The following IQCH variants were observed in gnomAD, a reference collection of about 807,000 sequenced individuals.
The protein encoded by IQCH is IQ motif containing H.
In IQCH, 98 loss-of-function variants were observed where a neutral mutation model predicts 117.0. That is an observed-to-expected ratio of 0.84 (90% confidence interval 0.71 to 0.99). The LOEUF (loss-of-function observed/expected upper bound fraction) is 0.99, where lower values mean the gene tolerates loss of function less well. Among genes scored for constraint, IQCH ranks in the 50% least tolerant of loss-of-function variants. IQCH has a pLI of 0.00. For missense variants in IQCH, 1,102 were observed against 1,243.8 expected (o/e 0.89, Z 1.72); for synonymous variants, 412 against 448.2 (o/e 0.92, Z 1.02).
At chr15:67,283,349 A>G (rs535531607) in intron 4 of IQCH, among the ~76,000 whole-genome samples, 1 of 152,196 alleles carries the variant, frequency 6.6e-6, no homozygotes. Context: ...TGTGTTGGTT[A>G]TGAATTTTTT....
chr15:67,287,535 A>G (rs1302081597), intron 4 of IQCH, among the ~76,000 whole-genome samples: 1 of 151,412 alleles, frequency 6.6e-6, no homozygotes, highest in Non-Finnish European at 1.5e-5. Flanking sequence ...CATTTCTTCT[A>G]GATTTTCCAA....
chr15:67,305,499 T>C (rs1183397875), intron 4 of IQCH, among the ~76,000 whole-genome samples: 2 of 152,124 alleles, frequency 1.3e-5, no homozygotes, highest in Non-Finnish European at 2.9e-5. Flanking sequence ...TTATTTAAAA[T>C]GTCACTGTGA....
intron 3 of IQCH, among the ~76,000 whole-genome samples, chr15:67,270,822 A>G (rs1302002093): frequency 6.6e-6 from 1 of 152,234 alleles, no homozygotes; most frequent in Non-Finnish European, 1.5e-5. Context: ...ATTCCTTTAT[A>G]GCAACACAAA....
In IQCH at chr15:67,490,579, TG is replaced by T. The variant is rs1301601968; in HGVS notation, c.2861+518del. ...TAATTGATTAATTACCTAAAATTAATGGGTAAGATTTAGATTTAACAACATA... is the reference window on the plus strand; with the variant it reads ...TAATTGATTAATTACCTAAAATTAATGGTAAGATTTAGATTTAACAACATA... On this transcript the variant is annotated intron_variant, in intron 19 of 20. Transcript: ENST00000335894. This position sits in a 1 kb window ranked among gnomAD's most constrained non-coding sequence, Gnocchi z 4.9. 6.6e-6 allele frequency among the ~76,000 whole-genome samples: 1 copy of T among 152,202 alleles called. No individual in the cohort carries two copies. Among genetic ancestry groups the T allele is most frequent in the African/African-American group, 2.4e-5 (1 of 41,442 alleles).
intron 18 of IQCH, among the ~76,000 whole-genome samples, chr15:67,477,527 C>A (rs1188142050): frequency 6.6e-6 from 1 of 152,142 alleles, no homozygotes; most frequent in East Asian, 1.9e-4. Flanking sequence ...CTTGGATCCC[C>A]TTGCAAATTA....
At chr15:67,423,728 CCTAT>C (rs1446091395) in intron 16 of IQCH, among the ~76,000 whole-genome samples, 1 of 151,336 alleles carries the variant, frequency 6.6e-6, no homozygotes, top group African/African-American at 2.4e-5. Flanking sequence ...ATGGTGGATG[CCTAT>C]AATCCCAGCT....
intron 3 of IQCH, among the ~76,000 whole-genome samples, chr15:67,275,499 G>A (rs991494444): frequency 2.0e-5 from 3 of 152,090 alleles, no homozygotes; most frequent in Non-Finnish European, 2.9e-5. Context: ...CATGAAGCCA[G>A]CTTGCTTCTA....
chr15:67,363,330 A>C (rs1252936139), intron 8 of IQCH, among the ~76,000 whole-genome samples: 1 of 148,064 alleles, frequency 6.8e-6, no homozygotes, highest in Non-Finnish European at 1.5e-5. Context: ...CTGCCTCCCT[A>C]GTTCAAGCGA....
At chr15:67,292,261 C>A (rs1226370372) in intron 4 of IQCH, among the ~76,000 whole-genome samples, 17 of 152,022 alleles carry the variant, frequency 1.1e-4, no homozygotes. Context: ...CATCCAGACT[C>A]TTTTTTTGAG....
At chr15:67,329,599 C>G (rs1276010782) in intron 4 of IQCH, among the ~76,000 whole-genome samples, 1 of 151,984 alleles carries the variant, frequency 6.6e-6, no homozygotes, top group Non-Finnish European at 1.5e-5. Flanking sequence ...ACTCAGCCTC[C>G]CAAGTAGCTG....
Position 67,425,315 on chromosome 15 carries a change from TA to T in IQCH, c.2505+3743del, listed in dbSNP as rs1164166815. Among the ~76,000 whole-genome samples the T allele has an allele frequency of 6.6e-6, 1 of 152,190 alleles. No homozygotes were observed. The highest frequency in any genetic ancestry group is 2.4e-5 in the African/African-American group (1 of 41,470). On this transcript the variant is annotated intron_variant, in intron 16 of 20. Coordinates refer to ENST00000335894, the MANE Select transcript of IQCH (RefSeq NM_001031715.3). The surrounding 1 kb of genome is among the most constrained non-coding windows in gnomAD (Gnocchi z 5.5). ...TATTTTTGGCCATGTTTCTCCACCA[TA>T]AAAATTACTATTTCTGGCCAGGTGC...
chr15:67,360,238 T>G (rs2140747963), intron 8 of IQCH: 1 of 283,490 alleles, frequency 3.5e-6, no homozygotes, highest in East Asian at 8.9e-5. Context: ...ATGTGAAAAA[T>G]AAATGCGGTT....
At chr15:67,274,858 C>T (rs1253847552) in intron 3 of IQCH, among the ~76,000 whole-genome samples, 1 of 151,986 alleles carries the variant, frequency 6.6e-6, no homozygotes, top group Non-Finnish European at 1.5e-5. Context: ...AGGTTGCTGT[C>T]TCCTTTTTGG....
intron 4 of IQCH, among the ~76,000 whole-genome samples, chr15:67,303,835 C>T (rs1183691391): frequency 6.6e-6 from 1 of 152,106 alleles, no homozygotes; most frequent in African/African-American, 2.4e-5. Flanking sequence ...ATTATTCTTA[C>T]AGATAAGAGA....
At chr15:67,377,049 G>A (rs555820455) in intron 10 of IQCH, among the ~76,000 whole-genome samples, 6 of 150,254 alleles carry the variant, frequency 4.0e-5, no homozygotes, top group African/African-American at 9.8e-5. Context: ...CCTGGGAGGC[G>A]GAGGTTGCAG....
Position 67,395,722 on chromosome 15 carries a change from A to ATTTATTTATTTG in IQCH, c.1905+170_1905+171insGTTTATTTATTT, listed in dbSNP as rs780575442. Among the ~76,000 whole-genome samples, 364 of 151,138 alleles carry ATTTATTTATTTG rather than the reference A, an allele frequency of 2.4e-3. 4 individuals are homozygous for ATTTATTTATTTG. Among genetic ancestry groups the ATTTATTTATTTG allele is most frequent in the Non-Finnish European group, 3.2e-3 (217 of 67,818 alleles). On this transcript the variant is annotated intron_variant, in intron 13 of 20. Transcript: ENST00000335894. This position sits in a 1 kb window ranked among gnomAD's most constrained non-coding sequence, Gnocchi z 4.0. ...ATCTACTTTATTTATTTATTTATTT[A>ATTTATTTATTTG]TTTATTTATTTATTTTTGAGATGGA...
rs983153979 is a variant in IQCH, at chr15:67,474,713, T to C, written c.2677-983T>C. ...AAGGAGGTGGTCCATGCCCAGTGACTTGCTGCCAAAGGTTAAAGTATGGGA... is the reference window on the plus strand; with the variant it reads ...AAGGAGGTGGTCCATGCCCAGTGACCTGCTGCCAAAGGTTAAAGTATGGGA... On this transcript the variant is annotated intron_variant, in intron 17 of 20. Coordinates refer to ENST00000335894, the MANE Select transcript of IQCH (RefSeq NM_001031715.3). The surrounding 1 kb of genome is among the most constrained non-coding windows in gnomAD (Gnocchi z 4.1). Among the ~76,000 whole-genome samples the C allele has an allele frequency of 3.3e-5, 5 of 152,172 alleles. No homozygotes were observed. Among genetic ancestry groups the C allele is most frequent in the Admixed American group, 1.3e-4 (2 of 15,284 alleles).
rs115221358 is a variant in IQCH at position 67,392,721 on chromosome 15, G to A, written c.1633-2570G>A. Among the ~76,000 whole-genome samples, 1,268 of 149,322 alleles carry A rather than the reference G, an allele frequency of 8.5e-3. 16 individuals carry two copies. Among genetic ancestry groups the A allele is most frequent in the African/African-American group, 0.03 (1,216 of 40,418 alleles). The stretch of plus-strand genomic sequence containing the variant: ...GAGCTTGGGAGGTCAAGGCTGCAGG[G>A]AGCTGTGTTTGCACCACTGCACTCC... On this transcript the variant is annotated intron_variant, in intron 12 of 20. Transcript: ENST00000335894.
chr15:67,341,656 A>G (rs570011488), intron 5 of IQCH, among the ~76,000 whole-genome samples: 1 of 152,174 alleles, frequency 6.6e-6, no homozygotes, highest in South Asian at 2.1e-4. Context: ...GATTTTTTTT[A>G]AAAGTAAAGT....
Sources: gnomAD v4.1 joint callset for allele counts (sites outside exome capture counted in the v4.1 genomes callset) on GRCh38, gnomAD v4.1.1 for gene constraint, Gnocchi (gnomAD v3.1) non-coding constraint, MANE v1.5 for transcripts, NCBI Gene and HGNC (gene_info 2026-07-23, HGNC 2026-07-21) for gene names.